The following CARD8 variants were observed in gnomAD, a reference collection of about 807,000 sequenced individuals.
CARD8 encodes the protein caspase recruitment domain family member 8, also known as caspase recruitment domain-containing protein 8.
In CARD8, 38 loss-of-function variants were observed where a neutral mutation model predicts 53.2. The ratio of observed to expected loss-of-function variants is 0.71; its 90% CI spans 0.55 to 0.94. The LOEUF is 0.94. CARD8 is among the 40% of genes least tolerant of loss of function. The probability of loss-of-function intolerance (pLI) is 0.00; values close to 1 mark genes in which losing one functional copy is unlikely to be tolerated. For synonymous variants in CARD8, 245 were observed against 244.9 expected, an observed-to-expected ratio of 1.00 and a Z score of 0.00; for missense variants, 561 against 655.5, an observed-to-expected ratio of 0.86 and a Z score of 1.57.
intron 5 of CARD8, chr19:48,238,143 C>T (rs1421638859): frequency 7.7e-6 from 4 of 520,644 alleles, no homozygotes; most frequent in South Asian, 5.5e-5. Context: ...CACCTGCCCT[C>T]GCCTCCCAGT....
At chr19:48,252,700 G>A (rs1310863733) in intron 1 of CARD8, among the ~76,000 whole-genome samples, 8 of 151,482 alleles carry the variant, frequency 5.3e-5, no homozygotes. Context: ...GTTTCCCCAC[G>A]TTGGCCAGGC....
chr19:48,241,540 C>A (rs2045098445), intron 3 of CARD8, among the ~76,000 whole-genome samples: 1 of 152,208 alleles, frequency 6.6e-6, no homozygotes, highest in Non-Finnish European at 1.5e-5. Context: ...CAGGCGTGAG[C>A]CACCGTGCCC....
intron 11 of CARD8, among the ~76,000 whole-genome samples, chr19:48,219,848 G>A (rs892577228): frequency 1.3e-5 from 2 of 152,084 alleles, no homozygotes; most frequent in Non-Finnish European, 2.9e-5. Context: ...GCAGGTGCCT[G>A]TAGTCCCAGC....
At chr19:48,205,681 G>A (rs937498092), downstream of CARD8, among the ~76,000 whole-genome samples, 2 of 152,138 alleles carry the variant, frequency 1.3e-5, no homozygotes, top group Admixed American at 6.5e-5. Context: ...ACCACAGAGA[G>A]GTTAAATAAC....
At position 48,210,689 on chromosome 19, in the gene CARD8, T is replaced by C. The variant is rs771045197; in HGVS notation, c.*1021A>G. 1 of 152,144 alleles carries C rather than the reference T, an allele frequency of 6.6e-6. No homozygotes were observed. The highest frequency in any genetic ancestry group is 1.5e-5 in the Non-Finnish European group (1 of 68,020). 9.4% of individuals were successfully genotyped at this position (152,144 alleles called of 1,614,324 possible). A position where few individuals can be genotyped will look rare whatever the true frequency, so the allele number is the denominator to read the frequency against. On this transcript the variant is annotated 3_prime_UTR_variant, in exon 14 of 14. Transcript: ENST00000651546. ...TGACTGAGGATAAATCCTAACATAT[T>C]AATAATTACATTAACGTAAGTAATT... is the stretch of plus-strand genomic sequence containing the variant.
intron 10 of CARD8, chr19:48,223,776 A>G (rs1281537958): frequency 4.4e-6 from 2 of 452,744 alleles, no homozygotes. Context: ...ATATGCACAT[A>G]TATTTTTCCT....
At chr19:48,238,564 G>C (rs1355518407) in intron 4 of CARD8, 32 bp from the exon 5 acceptor site, 16 of 1,535,022 alleles carry the variant, frequency 1.0e-5, no homozygotes, top group Non-Finnish European at 1.1e-5. Flanking sequence ...TGGAATGTGA[G>C]CATGTCAGAG....
chr19:48,240,905 A>G (rs1473092984), intron 4 of CARD8, 57 bp downstream of exon 4: 12 of 1,319,564 alleles, frequency 9.1e-6, no homozygotes, highest in Non-Finnish European at 8.4e-6. Context: ...CATGAACTAT[A>G]ACGAAACACA....
intron 10 of CARD8, among the ~76,000 whole-genome samples, chr19:48,227,396 G>A (rs1322555794): frequency 2.0e-5 from 3 of 152,104 alleles, no homozygotes; most frequent in African/African-American, 4.8e-5. Context: ...CATCAAGTCC[G>A]TCAGTGAAGA....
At position 48,211,792 on chromosome 19, in the gene CARD8, T is replaced by A; in HGVS notation, c.1532A>T (p.Asp511Val). ...TCTGAAGAGCACGTCCAGGGCCAGGTCCCCTTTCTTCTCCACCATGCTCAG... is the reference window on the plus strand; with the variant it reads ...TCTGAAGAGCACGTCCAGGGCCAGGACCCCTTTCTTCTCCACCATGCTCAG... ...ALLSMVEKKG[D>V]LALDVLFRSI... Residue 511 changes from aspartate (D) to valine (V), a missense_variant, in exon 14 of 14, where the codon GAC becomes GTC. Transcript: ENST00000651546. 6.2e-7 allele frequency: 1 copy of A among 1,614,150 alleles called. No individual in the cohort carries two copies. The highest frequency in any genetic ancestry group is 8.5e-7 in the Non-Finnish European group (1 of 1,180,020).
downstream of CARD8, chr19:48,203,579 A>G (rs2037239908): frequency 6.5e-6 from 1 of 153,206 alleles, no homozygotes; most frequent in Non-Finnish European, 1.5e-5. Context: ...CCAGTTACTT[A>G]TTAACATACT....
chr19:48,207,734 G>GTTTTTTTTTTTTTTTT (rs758903014), downstream of CARD8, among the ~76,000 whole-genome samples: 78 of 116,484 alleles, frequency 6.7e-4, 2 homozygotes, highest in African/African-American at 8.1e-4. Context: ...TTGTTTTTCT[G>GTTTTTTTTTTTTTTTT]TTTTTTTTTT....
chr19:48,210,564 GA>G lies in CARD8; in HGVS notation c.*1145del, dbSNP rs1397635440. 1 of 152,168 alleles carries G rather than the reference GA, an allele frequency of 6.6e-6. No individual in the cohort carries two copies. Among genetic ancestry groups the G allele is most frequent in the Non-Finnish European group, 1.5e-5 (1 of 68,026 alleles). The allele number at this position is 152,168 out of a possible 1,614,324, so 9.4% of individuals were successfully genotyped here. A position where few individuals can be genotyped will look rare whatever the true frequency, so the allele number is the denominator to read the frequency against. ...TAGAAGATAACTATATCCTAGATGA[GA>G]AAAGGTAATAGGATCTAAATGGTGA... is the stretch of plus-strand genomic sequence containing the variant. On this transcript the variant is annotated 3_prime_UTR_variant, in exon 14 of 14. Coordinates refer to ENST00000651546, the MANE Select transcript of CARD8 (RefSeq NM_001184900.3).
rs532660061 is a variant in CARD8 at position 48,231,710 on chromosome 19, A to G, written c.492T>C (p.Pro164=). ...TCAACTCAACATCCACATTTCCTTCAGGCCCCAGAAACTGACGATTTTTAT... is the reference window on the plus strand; with the variant it reads ...TCAACTCAACATCCACATTTCCTTCGGGCCCCAGAAACTGACGATTTTTAT... ...EDYKNRQFLG[P]EGNVDVELID... Residue 164 remains proline (P), a synonymous_variant, in exon 8 of 14, where the codon CCT becomes CCC. Coordinates refer to ENST00000651546, the MANE Select transcript of CARD8 (RefSeq NM_001184900.3). 7 of 1,612,766 alleles carry G rather than the reference A, an allele frequency of 4.3e-6. 1 individual carries two copies. The South Asian group carries it at 6.6e-5, about 15-fold the overall frequency.
intron 5 of CARD8, among the ~76,000 whole-genome samples, chr19:48,235,477 G>A (rs2043709326): frequency 6.6e-6 from 1 of 152,076 alleles, no homozygotes; most frequent in South Asian, 2.1e-4. Flanking sequence ...ATGATGGTGA[G>A]GCCTCCCCAG....
At chr19:48,233,564 A>G in intron 6 of CARD8, 1 of 358,470 alleles carries the variant, frequency 2.8e-6, no homozygotes, top group Non-Finnish European at 5.5e-6. Flanking sequence ...CAGGCAAAGC[A>G]GCAAGAGTAA....
At chr19:48,228,831 G>C (rs936041451) in intron 10 of CARD8, among the ~76,000 whole-genome samples, 4 of 152,138 alleles carry the variant, frequency 2.6e-5, no homozygotes, top group African/African-American at 9.7e-5. Flanking sequence ...ATGTTAAGTA[G>C]TGTCCTTGTG....
In CARD8 at chr19:48,211,929, C is replaced by G; in HGVS notation, c.1395G>C (p.Met465Ile). 1 of 1,614,126 alleles carries G rather than the reference C, an allele frequency of 6.2e-7. No homozygotes were observed. Among genetic ancestry groups the G allele is most frequent in the Non-Finnish European group, 8.5e-7 (1 of 1,179,990 alleles). ...CATCGAGCACCCCTTTCAGGTCCCC[C>G]ATCCTGGCTTGGAGTTGCCGGTGGT... is the stretch of plus-strand genomic sequence containing the variant. Reference protein sequence around the residue: ...KENHRQLQARMGDLKGVLDDL... With the variant: ...KENHRQLQARIGDLKGVLDDL... The change falls in exon 14 of 14, where the codon ATG becomes ATC. Residue 465 changes from methionine (M) to isoleucine (I), a missense_variant. Coordinates refer to ENST00000651546, the MANE Select transcript of CARD8 (RefSeq NM_001184900.3).
intron 4 of CARD8, among the ~76,000 whole-genome samples, chr19:48,239,221 A>C (rs1466241500): frequency 6.6e-6 from 1 of 152,200 alleles, no homozygotes; most frequent in Non-Finnish European, 1.5e-5. Flanking sequence ...ATCTGCATTC[A>C]CTGCCTTTCA....
Sources: gnomAD v4.1 joint callset for allele counts (sites outside exome capture counted in the v4.1 genomes callset) on GRCh38, gnomAD v4.1.1 for gene constraint, MANE v1.5 for transcripts, NCBI Gene and HGNC (gene_info 2026-07-23, HGNC 2026-07-21) for gene names.